ME2: variants seen among roughly 807,000 people sequenced by gnomAD.
The protein encoded by ME2 is NAD-dependent malic enzyme, mitochondrial.
ME2 carries 60 observed loss-of-function variants against 73.7 expected under a neutral mutation model. The observed-to-expected ratio is 0.81, with a 90% CI of 0.66 to 1.01. The LOEUF is 1.01. Among genes scored for constraint, ME2 ranks in the 50% least tolerant of loss-of-function variants. ME2 has a pLI of 0.00. For missense variants in ME2, 594 were observed against 705.5 expected, an observed-to-expected ratio of 0.84 and a Z score of 1.79; for synonymous variants, 199 against 236.9, an observed-to-expected ratio of 0.84 and a Z score of 1.47.
At chr18:50,909,620 A>T (rs1917099165) in intron 3 of ME2, among the ~76,000 whole-genome samples, 1 of 152,168 alleles carries the variant, frequency 6.6e-6, no homozygotes, top group Non-Finnish European at 1.5e-5. Context: ...GGTTTCTTTG[A>T]TGTGATAGAG....
At position 50,924,108 on chromosome 18, in the gene ME2, C is replaced by T; in HGVS notation, c.1067C>T (p.Ala356Val). The change falls in exon 11 of 16, where the codon GCA (alanine) becomes GTA (valine). Residue 356 changes from alanine to valine, a missense_variant. By Grantham distance (64) the Ala-to-Val change is moderately conservative (BLOSUM62 0). Coordinates refer to ENST00000321341, the MANE Select transcript of ME2 (RefSeq NM_002396.5). ...TATCTCAAAATTTAGGGACGGAAAGCAAAAATAGATAGTTATCAGGAACCA... is the reference window on the plus strand; with the variant it reads ...TATCTCAAAATTTAGGGACGGAAAGTAAAAATAGATAGTTATCAGGAACCA... ...KYGLLVKGRKAKIDSYQEPFT... is the reference protein window; with the variant it reads ...KYGLLVKGRKVKIDSYQEPFT... 1.2e-6 allele frequency: 2 copies of T among 1,607,284 alleles called. No homozygotes were observed. The highest frequency in any genetic ancestry group is 1.7e-6 in the Non-Finnish European group (2 of 1,177,226).
In ME2 at chr18:50,932,380, A is replaced by G. The variant is rs769668026; in HGVS notation, c.1417+20A>G. On this transcript the variant is annotated intron_variant, in intron 13 of 15. Transcript: ENST00000321341. ...TTCCAGGTAAATGCCACCATTATTT[A>G]TGTTATAGAGCAATAGTTAATTATG... 7 of 1,556,926 alleles carry G rather than the reference A, an allele frequency of 4.5e-6. No homozygotes were observed. Among genetic ancestry groups the G allele is most frequent in the Non-Finnish European group, 4.4e-6 (5 of 1,129,130 alleles).
intron 2 of ME2, among the ~76,000 whole-genome samples, chr18:50,903,611 G>A (rs1034942984): frequency 3.3e-5 from 5 of 152,022 alleles, no homozygotes; most frequent in Admixed American, 2.0e-4. Flanking sequence ...CACCACACCT[G>A]GCTAATTTTT....
At chr18:50,883,891 A>G (rs533314862) in intron 1 of ME2, among the ~76,000 whole-genome samples, 3 of 152,282 alleles carry the variant, frequency 2.0e-5, no homozygotes, top group Admixed American at 6.5e-5. Context: ...TCTCCAGTAA[A>G]TAGCTTGATT....
chr18:50,930,607 G>C (rs144511793), intron 12 of ME2, among the ~76,000 whole-genome samples: 1 of 152,128 alleles, frequency 6.6e-6, no homozygotes, highest in Non-Finnish European at 1.5e-5. Flanking sequence ...CCTGGAGAAC[G>C]TGAACTGCTA....
chr18:50,889,246 G>T (rs1916551876), intron 1 of ME2, among the ~76,000 whole-genome samples: 1 of 152,176 alleles, frequency 6.6e-6, no homozygotes, highest in South Asian at 2.1e-4. Context: ...GAGCCCCTAG[G>T]CAGCCTCAGG....
chr18:50,891,749 G>T (rs1276429535), intron 1 of ME2, among the ~76,000 whole-genome samples: 1 of 152,026 alleles, frequency 6.6e-6, no homozygotes, highest in East Asian at 1.9e-4. Context: ...CAAATTTGTG[G>T]GGGGCATTGG....
chr18:50,941,349 G>GTTTTT (rs1568176416), intron 15 of ME2, among the ~76,000 whole-genome samples: 10 of 105,316 alleles, frequency 9.5e-5, no homozygotes, highest in African/African-American at 2.2e-4. Flanking sequence ...ATTTGTGATG[G>GTTTTT]TTTCTTTTTT....
intron 6 of ME2, among the ~76,000 whole-genome samples, chr18:50,917,803 C>T (rs1917319425): frequency 6.6e-6 from 1 of 151,942 alleles, no homozygotes; most frequent in Admixed American, 6.6e-5. Context: ...GAAACCCAGA[C>T]TCTACTAAAA....
intron 13 of ME2, chr18:50,935,067 G>A (rs745488918): frequency 6.6e-6 from 1 of 152,146 alleles, no homozygotes; most frequent in Non-Finnish European, 1.5e-5. Context: ...TGGATTGGGG[G>A]TATAGTTTGC....
At chr18:50,937,075 A>T (rs1164874899) in intron 13 of ME2, among the ~76,000 whole-genome samples, 1 of 152,206 alleles carries the variant, frequency 6.6e-6, no homozygotes, top group Non-Finnish European at 1.5e-5. Flanking sequence ...AAAAGCAAGA[A>T]AAAAGAGGAA....
intron 12 of ME2, among the ~76,000 whole-genome samples, chr18:50,930,899 A>C (rs1450259208): frequency 6.6e-6 from 1 of 152,236 alleles, no homozygotes; most frequent in African/African-American, 2.4e-5. Context: ...AATAGGTAGA[A>C]AATGATATAA....
rs1918127551 is a variant in ME2 at position 50,947,978 on chromosome 18, T to G, written c.*794T>G. ...TATTTTTGTTACTTCTAGATGATTC[T>G]AGGAGGGAGTATAAGATACCTAATC... On this transcript the variant is annotated 3_prime_UTR_variant, in exon 16 of 16. Coordinates refer to ENST00000321341, the MANE Select transcript of ME2 (RefSeq NM_002396.5). 1 of 152,190 alleles carries G rather than the reference T, an allele frequency of 6.6e-6. No homozygotes were observed. Among genetic ancestry groups the G allele is most frequent in the South Asian group, 2.1e-4 (1 of 4,834 alleles). 9.4% of individuals were successfully genotyped at this position (152,190 alleles called of 1,614,324 possible).
At chr18:50,925,281 CT>C (rs1353873293) in intron 11 of ME2, among the ~76,000 whole-genome samples, 9 of 152,082 alleles carry the variant, frequency 5.9e-5, no homozygotes, top group African/African-American at 2.2e-4. Context: ...GAGTTTGAGA[CT>C]AGCCTGGCCA....
chr18:50,924,012 C>T (rs1917485483), intron 10 of ME2, 86 bp from the exon 11 acceptor site: 1 of 772,870 alleles, frequency 1.3e-6, no homozygotes, highest in East Asian at 2.6e-5. Flanking sequence ...ATTGTAGAAA[C>T]AATGTGTAAC....
intron 10 of ME2, 41 bp downstream of exon 10, chr18:50,921,228 T>A: frequency 9.8e-7 from 1 of 1,019,374 alleles, no homozygotes; most frequent in Non-Finnish European, 1.4e-6. Flanking sequence ...GAGTGTATTA[T>A]ATTTTTAGTT....
intron 2 of ME2, among the ~76,000 whole-genome samples, chr18:50,903,142 A>T (rs534315666): frequency 6.6e-6 from 1 of 152,252 alleles, no homozygotes; most frequent in African/African-American, 2.4e-5. Flanking sequence ...GCAAAGGGAG[A>T]TGGAGAAAGT....
chr18:50,913,044 A>T, intron 4 of ME2, 94 bp downstream of exon 4: 1 of 1,169,698 alleles, frequency 8.5e-7, no homozygotes, highest in Non-Finnish European at 1.2e-6. Flanking sequence ...TATGTTTGTT[A>T]GCCAAATCAC....
intron 4 of ME2, 84 bp downstream of exon 4, chr18:50,913,034 T>C: frequency 1.0e-5 from 13 of 1,246,966 alleles, no homozygotes; most frequent in Non-Finnish European, 1.3e-5. Context: ...ATTTCTATTT[T>C]ATGTTTGTTA....
Sources: gnomAD v4.1 joint callset for allele counts (sites outside exome capture counted in the v4.1 genomes callset) on GRCh38, gnomAD v4.1.1 for gene constraint, MANE v1.5 for transcripts, NCBI Gene and HGNC (gene_info 2026-07-23, HGNC 2026-07-21) for gene names.